Variants in COL11A1 observed in about 807,000 individuals in gnomAD.
COL11A1 encodes the protein collagen alpha-1(XI) chain.
COL11A1 carries 74 observed loss-of-function variants against 265.2 expected under a neutral mutation model. The ratio of observed to expected loss-of-function variants is 0.28; its 90% CI spans 0.23 to 0.34. The LOEUF (loss-of-function observed/expected upper bound fraction) is 0.34, where lower values mean the gene tolerates loss of function less well. COL11A1 is among the 10% of genes least tolerant of loss of function. The pLI is 1.00. For synonymous variants in COL11A1, 816 were observed against 727.6 expected (o/e 1.12, Z -1.96); for missense variants, 2,165 against 2,263.6 (o/e 0.96, Z 0.88).
In COL11A1 at chr1:103,026,346, G is replaced by A; in HGVS notation, c.781-14C>T. ...CTCTGGTGCATACTACATTGCAAAG[G>A]AAAAAATATCAGGCAATTGTGTTAG... On this transcript the variant is annotated splice_polypyrimidine_tract_variant and intron_variant, in intron 5 of 66. Transcript: ENST00000370096. 6.4e-7 allele frequency: 1 copy of A among 1,561,582 alleles called. No homozygotes were observed. Among genetic ancestry groups the A allele is most frequent in the Non-Finnish European group, 8.8e-7 (1 of 1,132,140 alleles).
chr1:102,931,059 A>AT (rs1223528104), intron 46 of COL11A1, among the ~76,000 whole-genome samples: 2 of 144,990 alleles, frequency 1.4e-5, no homozygotes, highest in East Asian at 4.1e-4. Flanking sequence ...GGATTCATTA[A>AT]TTTTTTGAAG....
chr1:102,998,791 C>A (rs369771136), intron 24 of COL11A1, among the ~76,000 whole-genome samples: 1 of 151,606 alleles, frequency 6.6e-6, no homozygotes, highest in East Asian at 1.9e-4. Flanking sequence ...TGATGAAACA[C>A]CATTATTAAA....
intron 4 of COL11A1, among the ~76,000 whole-genome samples, chr1:103,069,877 T>C (rs922422088): frequency 2.0e-5 from 3 of 151,844 alleles, no homozygotes; most frequent in Admixed American, 2.0e-4. Context: ...CTAGTTAGAA[T>C]GCCTAAAATG....
At chr1:103,039,565 C>G (rs1252124360) in intron 4 of COL11A1, among the ~76,000 whole-genome samples, 3 of 149,672 alleles carry the variant, frequency 2.0e-5, no homozygotes, top group Non-Finnish European at 4.4e-5. Flanking sequence ...AGAAGACAAC[C>G]ATTTCCAAGC....
At chr1:103,097,858 A>C (rs1673908893) in intron 1 of COL11A1, among the ~76,000 whole-genome samples, 1 of 151,990 alleles carries the variant, frequency 6.6e-6, no homozygotes, top group African/African-American at 2.4e-5. Context: ...AGCACTTAAC[A>C]CAGTGATTAA....
At chr1:103,017,962 G>A in intron 10 of COL11A1, 80 bp from the exon 11 acceptor site, 6 of 1,107,412 alleles carry the variant, frequency 5.4e-6, no homozygotes, top group Non-Finnish European at 8.3e-6. Flanking sequence ...TCCTATCGAA[G>A]AGTTCGTTTA....
intron 3 of COL11A1, among the ~76,000 whole-genome samples, chr1:103,077,249 A>G (rs537492229): frequency 6.6e-6 from 1 of 152,020 alleles, no homozygotes; most frequent in East Asian, 1.9e-4. Context: ...GTTTTACTTT[A>G]AGGATACATT....
At chr1:103,054,612 A>AT in intron 4 of COL11A1, among the ~76,000 whole-genome samples, 1 of 152,172 alleles carries the variant, frequency 6.6e-6, no homozygotes, top group East Asian at 1.9e-4. Context: ...AGAAAAAAAA[A>AT]GCCAACAGGT....
intron 43 of COL11A1, among the ~76,000 whole-genome samples, chr1:102,939,785 A>G (rs1284894034): frequency 6.6e-6 from 1 of 152,176 alleles, no homozygotes; most frequent in Non-Finnish European, 1.5e-5. Context: ...AAAATGATGC[A>G]CATTATCAGA....
chr1:102,883,742 AT>A (rs901628179), intron 63 of COL11A1, among the ~76,000 whole-genome samples: 10 of 152,000 alleles, frequency 6.6e-5, no homozygotes, highest in African/African-American at 2.4e-4. Flanking sequence ...TAGTTTATTC[AT>A]TTGTAACAGT....
At chr1:103,025,891 G>T (rs1446963520) in intron 6 of COL11A1, 1 of 1,612,842 alleles carries the variant, frequency 6.2e-7, no homozygotes, top group East Asian at 2.2e-5. Context: ...AAACTTTTTG[G>T]ATTTTTCCTT....
At chr1:102,955,847 C>T (rs1428638714) in intron 41 of COL11A1, among the ~76,000 whole-genome samples, 2 of 152,086 alleles carry the variant, frequency 1.3e-5, no homozygotes, top group Non-Finnish European at 2.9e-5. Context: ...GATGTTCAGT[C>T]TCTTGCTACT....
intron 4 of COL11A1, among the ~76,000 whole-genome samples, chr1:103,060,629 T>A (rs1670600006): frequency 6.6e-6 from 1 of 152,180 alleles, no homozygotes; most frequent in South Asian, 2.1e-4. Flanking sequence ...ATCAGTATAG[T>A]GTTATTTAAA....
At position 103,014,526 on chromosome 1, in the gene COL11A1, A is replaced by G. The variant is rs1666400916; in HGVS notation, c.1557T>C (p.Ile519=). 1 of 1,613,734 alleles carries G rather than the reference A, an allele frequency of 6.2e-7. No individual in the cohort carries two copies. The highest frequency in any genetic ancestry group is 2.2e-5 in the East Asian group (1 of 44,842). ...ISAQEAQAQA[I]LQQARIALRG... is the part of the protein sequence containing the mutation. ...CCTGTCTTACCCGAGCCTGCTGAAG[A>G]ATAGCTTGAGCCTGAGCTTCCTGAG... The change falls in exon 13 of 67, where the codon ATT becomes ATC. Residue 519 remains isoleucine, a synonymous_variant. Transcript: ENST00000370096.
intron 15 of COL11A1, among the ~76,000 whole-genome samples, chr1:103,006,926 C>T (rs1437010148): frequency 6.6e-6 from 1 of 152,008 alleles, no homozygotes; most frequent in Non-Finnish European, 1.5e-5. Context: ...TTTACATTTC[C>T]CTTGATGGAA....
At chr1:102,920,392 A>C in intron 48 of COL11A1, 28 bp from the exon 49 acceptor site, 1 of 1,594,862 alleles carries the variant, frequency 6.3e-7, no homozygotes, top group Non-Finnish European at 8.6e-7. Flanking sequence ...GAATGTAATT[A>C]TCCATATTCT....
chr1:102,931,331 T>G (rs543621627), intron 46 of COL11A1, among the ~76,000 whole-genome samples: 24 of 149,022 alleles, frequency 1.6e-4, no homozygotes, highest in African/African-American at 5.9e-4. Flanking sequence ...TCTTTATTTC[T>G]GCCTTCATTT....
At chr1:102,918,414 A>G (rs1288980066) in intron 49 of COL11A1, among the ~76,000 whole-genome samples, 1 of 152,026 alleles carries the variant, frequency 6.6e-6, no homozygotes, top group Admixed American at 6.6e-5. Flanking sequence ...TATTTAGACA[A>G]AATGCAATGT....
At chr1:103,026,767 T>C (rs1259601951) in intron 5 of COL11A1, among the ~76,000 whole-genome samples, 2 of 151,906 alleles carry the variant, frequency 1.3e-5, no homozygotes, top group African/African-American at 4.8e-5. Flanking sequence ...AAAATAAAAA[T>C]GTAGAGAGTA....
Sources: gnomAD v4.1 joint callset for allele counts (sites outside exome capture counted in the v4.1 genomes callset) on GRCh38, gnomAD v4.1.1 for gene constraint, MANE v1.5 for transcripts, NCBI Gene and HGNC (gene_info 2026-07-23, HGNC 2026-07-21) for gene names.